Variants in CDK19 observed in about 807,000 individuals in gnomAD.
The protein encoded by CDK19 is cyclin dependent kinase 19, also known as cyclin-dependent kinase 19.
Under a neutral mutation model 68.3 loss-of-function variants are expected in CDK19, and 20 were observed. The observed-to-expected ratio is 0.29, with a 90% CI of 0.21 to 0.43. The LOEUF (loss-of-function observed/expected upper bound fraction) is 0.43. Ranked by LOEUF, CDK19 falls within the 20% of genes least tolerant of loss-of-function variation. The pLI, the probability that CDK19 is intolerant of heterozygous loss-of-function variation, is 1.00. For synonymous variants in CDK19, 221 were observed against 222.8 expected (o/e 0.99, Z 0.07); for missense variants, 339 against 623.5 (o/e 0.54, Z 4.86).
chr6:110,728,287 C>CAA (rs951995109), intron 2 of CDK19, among the ~76,000 whole-genome samples: 50 of 87,158 alleles, frequency 5.7e-4, no homozygotes, highest in African/African-American at 1.5e-3. Context: ...GACTCCATCT[C>CAA]AAAAAAAAAA....
intron 4 of CDK19, among the ~76,000 whole-genome samples, chr6:110,663,880 G>A (rs186630433): frequency 1.1e-4 from 16 of 152,200 alleles, no homozygotes; most frequent in African/African-American, 2.9e-4. Flanking sequence ...GGAGTTGGAG[G>A]CATTCAGTAA....
intron 2 of CDK19, among the ~76,000 whole-genome samples, chr6:110,697,204 C>T (rs1003817599): frequency 6.6e-6 from 1 of 151,190 alleles, no homozygotes; most frequent in East Asian, 1.9e-4. Flanking sequence ...CACTCCAGCC[C>T]GGGCAACAAG....
At chr6:110,630,711 A>G (rs1366403401) in intron 6 of CDK19, among the ~76,000 whole-genome samples, 1 of 152,224 alleles carries the variant, frequency 6.6e-6, no homozygotes, top group Non-Finnish European at 1.5e-5. Flanking sequence ...CCAGAGGCCC[A>G]GCTGCACAGG....
At chr6:110,807,778 G>A (rs1032643515) in intron 1 of CDK19, among the ~76,000 whole-genome samples, 2 of 151,402 alleles carry the variant, frequency 1.3e-5, no homozygotes, top group South Asian at 2.1e-4. Context: ...ATATTTTTAC[G>A]CACATATACT....
chr6:110,734,899 A>T (rs754419794), intron 2 of CDK19, among the ~76,000 whole-genome samples: 2 of 152,172 alleles, frequency 1.3e-5, no homozygotes, highest in East Asian at 1.9e-4. Flanking sequence ...TAAATGCAAA[A>T]TTAAATTACT....
chr6:110,724,014 T>TAA (rs34790034), intron 2 of CDK19, among the ~76,000 whole-genome samples: 34 of 144,790 alleles, frequency 2.3e-4, no homozygotes, highest in African/African-American at 7.6e-4. Context: ...CCAACATTCT[T>TAA]AAAAAAAAAA....
intron 1 of CDK19, among the ~76,000 whole-genome samples, chr6:110,768,973 C>T (rs528986143): frequency 4.7e-5 from 7 of 148,146 alleles, no homozygotes; most frequent in East Asian, 4.1e-4. Flanking sequence ...GCCAACATGA[C>T]GAAACCCCAT....
At chr6:110,644,918 A>C (rs1402751779) in intron 4 of CDK19, among the ~76,000 whole-genome samples, 1 of 152,240 alleles carries the variant, frequency 6.6e-6, no homozygotes, top group Non-Finnish European at 1.5e-5. Flanking sequence ...TACAAAGTTC[A>C]ATTCACCAGG....
At chr6:110,741,447 T>A (rs536197507) in intron 2 of CDK19, among the ~76,000 whole-genome samples, 100 of 150,086 alleles carry the variant, frequency 6.7e-4, no homozygotes, top group African/African-American at 2.4e-3. Context: ...GGCAACAGAG[T>A]GAGATCCTGT....
At chr6:110,637,034 G>C (rs1779823954) in intron 5 of CDK19, among the ~76,000 whole-genome samples, 1 of 152,240 alleles carries the variant, frequency 6.6e-6, no homozygotes, top group Admixed American at 6.5e-5. Flanking sequence ...GATGTTTGTA[G>C]GGAAAGAGCC....
intron 1 of CDK19, among the ~76,000 whole-genome samples, chr6:110,750,309 T>A (rs1178392204): frequency 9.1e-6 from 1 of 109,644 alleles, no homozygotes; most frequent in Non-Finnish European, 2.0e-5. Flanking sequence ...CAATCCTGTA[T>A]AATCTGTTCA....
chr6:110,793,721 C>T (rs1398817845), intron 1 of CDK19, among the ~76,000 whole-genome samples: 1 of 152,116 alleles, frequency 6.6e-6, no homozygotes, highest in African/African-American at 2.4e-5. Context: ...ATTTGCTTAC[C>T]ATTTGGTTGG....
intron 1 of CDK19, among the ~76,000 whole-genome samples, chr6:110,763,416 T>G (rs1171191688): frequency 9.9e-6 from 1 of 100,704 alleles, no homozygotes; most frequent in Admixed American, 8.6e-5. Flanking sequence ...CTTATTATGT[T>G]TTTTTTTTTT....
intron 1 of CDK19, among the ~76,000 whole-genome samples, chr6:110,791,537 T>C (rs1781594417): frequency 6.6e-6 from 1 of 152,152 alleles, no homozygotes; most frequent in Non-Finnish European, 1.5e-5. Flanking sequence ...ATGTAGAATA[T>C]GATTGCATTT....
chr6:110,670,904 C>G, intron 2 of CDK19: 1 of 390,234 alleles, frequency 2.6e-6, no homozygotes, highest in South Asian at 2.0e-5. Context: ...CATTTTTGTA[C>G]ATGCATATCT....
intron 1 of CDK19, among the ~76,000 whole-genome samples, chr6:110,764,535 C>G (rs1779441614): frequency 1.3e-5 from 2 of 152,180 alleles, no homozygotes; most frequent in Admixed American, 6.5e-5. Context: ...AGTGCTAGTT[C>G]TAGCACTGGA....
chr6:110,793,283 T>C (rs1781721086), intron 1 of CDK19, among the ~76,000 whole-genome samples: 1 of 152,202 alleles, frequency 6.6e-6, no homozygotes, highest in South Asian at 2.1e-4. Flanking sequence ...CTTGGCTAAT[T>C]GGCTTAGAGC....
At chr6:110,664,976 T>C (rs1161907945) in intron 4 of CDK19, among the ~76,000 whole-genome samples, 2 of 152,172 alleles carry the variant, frequency 1.3e-5, no homozygotes, top group Admixed American at 6.5e-5. Flanking sequence ...CAGGGAACAC[T>C]CAATAGTTCA....
intron 1 of CDK19, among the ~76,000 whole-genome samples, chr6:110,765,310 T>C (rs928236619): frequency 4.6e-5 from 7 of 152,066 alleles, no homozygotes; most frequent in African/African-American, 7.2e-5. Context: ...GCCCTGGAGG[T>C]TGAGGCTGCA....
Sources: gnomAD v4.1 joint callset for allele counts (sites outside exome capture counted in the v4.1 genomes callset) on GRCh38, gnomAD v4.1.1 for gene constraint, MANE v1.5 for transcripts, NCBI Gene and HGNC (gene_info 2026-07-23, HGNC 2026-07-21) for gene names.